Variants in CSMD1 observed in about 807,000 individuals in gnomAD.
The protein encoded by CSMD1 is CUB and Sushi multiple domains 1.
A neutral mutation model predicts 417.5 loss-of-function variants in CSMD1; 213 were observed. That is an observed-to-expected ratio of 0.51 (90% CI 0.46 to 0.57). The LOEUF (loss-of-function observed/expected upper bound fraction) is 0.57, where lower values mean the gene tolerates loss of function less well. Among genes scored for constraint, CSMD1 ranks in the 20% least tolerant of loss-of-function variants. The probability of loss-of-function intolerance (pLI) is 0.00; values close to 1 mark genes in which losing one functional copy is unlikely to be tolerated. For missense variants in CSMD1, 6,923 were observed against 4,529.7 expected, an observed-to-expected ratio of 1.53 and a Z score of -15.17; for synonymous variants, 2,862 against 1,736.8, an observed-to-expected ratio of 1.65 and a Z score of -16.11.
intron 7 of CSMD1, among the ~76,000 whole-genome samples, chr8:3,662,543 T>A (rs1281421132): frequency 1.3e-5 from 2 of 152,242 alleles, no homozygotes; most frequent in Non-Finnish European, 2.9e-5. Flanking sequence ...AAAATCCTTT[T>A]GGCTATATAC....
rs1436802164 is a variant in CSMD1, at chr8:4,393,361, C to G, written c.415+26592G>C. ...GCAGAAAAATCATTTTCTAAATTGC[C>G]AAGGCCAAGAAACTGAAGGAGAAAT... On this transcript the variant is annotated intron_variant, in intron 3 of 69. Transcript: ENST00000635120. Among the ~76,000 whole-genome samples, 4 of 152,102 alleles carry G rather than the reference C, an allele frequency of 2.6e-5. No individual in the cohort carries two copies. The East Asian group carries it at 7.7e-4, about 29-fold the overall frequency.
At chr8:4,099,891 G>A (rs1390652834) in intron 3 of CSMD1, among the ~76,000 whole-genome samples, 1 of 152,098 alleles carries the variant, frequency 6.6e-6, no homozygotes, top group African/African-American at 2.4e-5. Flanking sequence ...CTGGGAACCA[G>A]TTCAGACATG....
intron 1 of CSMD1, among the ~76,000 whole-genome samples, chr8:4,935,178 G>A (rs531605286): frequency 6.6e-6 from 1 of 152,292 alleles, no homozygotes; most frequent in Non-Finnish European, 1.5e-5. Flanking sequence ...CCCCAGATGG[G>A]CCATGCTGTT....
chr8:4,951,709 G>A (rs1201477534), intron 1 of CSMD1, among the ~76,000 whole-genome samples: 1 of 151,616 alleles, frequency 6.6e-6, no homozygotes, highest in Admixed American at 6.6e-5. Context: ...GGTTCTACCA[G>A]AAGAATCTCC....
At chr8:3,381,769 A>T (rs1291515394) in intron 18 of CSMD1, among the ~76,000 whole-genome samples, 1 of 152,190 alleles carries the variant, frequency 6.6e-6, no homozygotes, top group Non-Finnish European at 1.5e-5. Flanking sequence ...AGAGTGAAAA[A>T]TAAAAAATCT....
At chr8:2,974,167 G>C (rs1804717535) in intron 56 of CSMD1, among the ~76,000 whole-genome samples, 1 of 152,108 alleles carries the variant, frequency 6.6e-6, no homozygotes, top group Non-Finnish European at 1.5e-5. Flanking sequence ...GAGCGAACAG[G>C]GACACACGGA....
intron 1 of CSMD1, among the ~76,000 whole-genome samples, chr8:4,760,096 G>C (rs1037344542): frequency 6.6e-6 from 1 of 152,052 alleles, no homozygotes; most frequent in Non-Finnish European, 1.5e-5. Context: ...TTTTTAATAA[G>C]CATCATTCTG....
intron 55 of CSMD1, among the ~76,000 whole-genome samples, 176 bp downstream of exon 55, chr8:2,978,436 G>T (rs1477568636): frequency 6.6e-6 from 1 of 152,112 alleles, no homozygotes; most frequent in South Asian, 2.1e-4. Context: ...TGCTGAAGTT[G>T]TATTTGGTGA....
chr8:3,351,943 T>A (rs990743354), intron 21 of CSMD1, among the ~76,000 whole-genome samples: 7 of 152,260 alleles, frequency 4.6e-5, no homozygotes, highest in African/African-American at 1.4e-4. Flanking sequence ...TTATTTGTGT[T>A]TGAGTTAATA....
chr8:3,259,062 G>A (rs948603002), intron 26 of CSMD1, among the ~76,000 whole-genome samples: 3 of 152,146 alleles, frequency 2.0e-5, no homozygotes, highest in African/African-American at 7.2e-5. Context: ...GGGAAGCCAA[G>A]GGCACCTGCT....
At chr8:3,099,265 G>A (rs539883417) in intron 46 of CSMD1, among the ~76,000 whole-genome samples, 1 of 152,122 alleles carries the variant, frequency 6.6e-6, no homozygotes, top group Non-Finnish European at 1.5e-5. Context: ...ACACCCTCCT[G>A]TAAGTTCCTT....
intron 5 of CSMD1, among the ~76,000 whole-genome samples, chr8:3,793,419 T>C (rs1002046140): frequency 2.6e-5 from 4 of 152,162 alleles, no homozygotes; most frequent in Non-Finnish European, 5.9e-5. Context: ...TTCAAGAATG[T>C]TGCCACTGTC....
At chr8:4,041,468 T>C (rs1797892189) in intron 3 of CSMD1, among the ~76,000 whole-genome samples, 1 of 152,198 alleles carries the variant, frequency 6.6e-6, no homozygotes, top group Non-Finnish European at 1.5e-5. Context: ...TAAAAAGTAG[T>C]GTAAGGATCA....
chr8:4,218,416 A>T (rs372138122), intron 3 of CSMD1, among the ~76,000 whole-genome samples: 2 of 152,152 alleles, frequency 1.3e-5, no homozygotes, highest in African/African-American at 4.8e-5. Context: ...AATGACCTTT[A>T]TATTATATAC....
Position 4,909,621 on chromosome 8 carries a change from G to T in CSMD1, c.85+84711C>A, listed in dbSNP as rs192157736. Among the ~76,000 whole-genome samples, 3 of 152,260 alleles carry T rather than the reference G, an allele frequency of 2.0e-5. No individual in the cohort carries two copies. In the East Asian group the frequency reaches 5.8e-4, roughly 29 times the overall value. ...ATTTTCACCGTGAGCACTTCATGGG[G>T]TTCCTAGAAGTAAAGGCAATGAGTG... On this transcript the variant is annotated intron_variant, in intron 1 of 69. Coordinates refer to ENST00000635120, the MANE Select transcript of CSMD1 (RefSeq NM_033225.6).
Position 4,757,078 on chromosome 8 carries a change from G to A in CSMD1, c.86-119520C>T, listed in dbSNP as rs190230080. 6.1e-3 allele frequency among the ~76,000 whole-genome samples: 932 copies of A among 152,316 alleles called. 12 individuals are homozygous for A. The highest frequency in any genetic ancestry group is 0.021 in the African/African-American group (893 of 41,590). On this transcript the variant is annotated intron_variant, in intron 1 of 69. Coordinates refer to ENST00000635120, the MANE Select transcript of CSMD1 (RefSeq NM_033225.6). Reference sequence around the variant, plus strand: ...TAAGAAACTGAAACAGAAATGGCAAGAAACAGGATAAGTAGGACAAAGAAC... The same window carrying A: ...TAAGAAACTGAAACAGAAATGGCAAAAAACAGGATAAGTAGGACAAAGAAC...
intron 30 of CSMD1, among the ~76,000 whole-genome samples, chr8:3,211,955 G>A (rs540144345): frequency 6.6e-6 from 1 of 152,306 alleles, no homozygotes; most frequent in South Asian, 2.1e-4. Context: ...GGCCAGGACA[G>A]GGAAGGGTGG....
intron 5 of CSMD1, among the ~76,000 whole-genome samples, chr8:3,868,737 C>G (rs1383200036): frequency 6.6e-6 from 1 of 152,212 alleles, no homozygotes; most frequent in Non-Finnish European, 1.5e-5. Flanking sequence ...ACCCTCTGCT[C>G]TCTCAACCCA....
At chr8:3,656,310 G>C (rs1245023243) in intron 7 of CSMD1, among the ~76,000 whole-genome samples, 1 of 152,166 alleles carries the variant, frequency 6.6e-6, no homozygotes, top group African/African-American at 2.4e-5. Context: ...CAGAAGCTTA[G>C]GGCGAAAGGT....
Sources: gnomAD v4.1 joint callset for allele counts (sites outside exome capture counted in the v4.1 genomes callset) on GRCh38, gnomAD v4.1.1 for gene constraint, MANE v1.5 for transcripts, NCBI Gene and HGNC (gene_info 2026-07-23, HGNC 2026-07-21) for gene names.